Variants in XIRP2 observed in about 807,000 individuals in gnomAD.
XIRP2 encodes xin actin-binding repeat-containing protein 2.
In XIRP2, 236 loss-of-function variants were observed where a neutral mutation model predicts 277.0. The ratio of observed to expected loss-of-function variants is 0.85; its 90% CI spans 0.77 to 0.95. The LOEUF (loss-of-function observed/expected upper bound fraction) is 0.95, where lower values mean the gene tolerates loss of function less well. Among genes scored for constraint, XIRP2 ranks in the 40% least tolerant of loss-of-function variants. XIRP2 has a pLI of 0.00. For missense variants in XIRP2, 4,640 were observed against 4,157.5 expected, an observed-to-expected ratio of 1.12 and a Z score of -3.19; for synonymous variants, 1,490 against 1,416.5, an observed-to-expected ratio of 1.05 and a Z score of -1.17.
At chr2:167,057,396 G>A (rs1689064038) in intron 2 of XIRP2, among the ~76,000 whole-genome samples, 1 of 152,150 alleles carries the variant, frequency 6.6e-6, no homozygotes, top group Non-Finnish European at 1.5e-5. Flanking sequence ...GTATAAAAAA[G>A]TGGAACCAGG....
intron 2 of XIRP2, among the ~76,000 whole-genome samples, chr2:166,952,141 C>A (rs1686052580): frequency 6.6e-6 from 1 of 151,942 alleles, no homozygotes; most frequent in African/African-American, 2.4e-5. Flanking sequence ...CAACCCACCC[C>A]AAATTTTATG....
At chr2:166,934,430 C>G (rs1026629273) in intron 2 of XIRP2, among the ~76,000 whole-genome samples, 3 of 152,114 alleles carry the variant, frequency 2.0e-5, no homozygotes, top group African/African-American at 7.2e-5. Context: ...GCTCTTTTCC[C>G]TAGTGAGCCT....
intron 2 of XIRP2, among the ~76,000 whole-genome samples, chr2:166,918,003 T>C (rs909630444): frequency 6.6e-6 from 1 of 152,184 alleles, no homozygotes. Flanking sequence ...CCTTCCTACA[T>C]GAGCTTATCT....
chr2:167,008,197 G>C (rs777088588), intron 2 of XIRP2, among the ~76,000 whole-genome samples: 1 of 151,398 alleles, frequency 6.6e-6, no homozygotes, highest in African/African-American at 2.4e-5. Flanking sequence ...TTTATTTATA[G>C]ACCCAAGCTC....
At chr2:167,058,597 C>T (rs1349979863) in intron 2 of XIRP2, among the ~76,000 whole-genome samples, 6 of 152,178 alleles carry the variant, frequency 3.9e-5, no homozygotes, top group Admixed American at 3.9e-4. Flanking sequence ...GGTATCTCAC[C>T]ACTGGTGCCT....
chr2:167,004,596 A>C (rs1425865731), intron 2 of XIRP2, among the ~76,000 whole-genome samples: 1 of 151,852 alleles, frequency 6.6e-6, no homozygotes, highest in Non-Finnish European at 1.5e-5. Context: ...ACTGTGAGTT[A>C]ATCAAGTAAA....
chr2:167,156,324 A>G (rs16853095), intron 3 of XIRP2, among the ~76,000 whole-genome samples: 15,046 of 152,222 alleles, frequency 0.099, 798 homozygotes, highest in South Asian at 0.15. Context: ...AGTTAATGAT[A>G]GCAACCGCTT....
chr2:167,151,169 G>T (rs968297233), intron 3 of XIRP2, among the ~76,000 whole-genome samples: 1 of 152,014 alleles, frequency 6.6e-6, no homozygotes, highest in Non-Finnish European at 1.5e-5. Context: ...TCTGTATTGG[G>T]TCCCAGTTAC....
At chr2:167,105,105 T>C (rs1690582639) in intron 2 of XIRP2, among the ~76,000 whole-genome samples, 1 of 151,758 alleles carries the variant, frequency 6.6e-6, no homozygotes, top group East Asian at 1.9e-4. Flanking sequence ...AAACTCTTTA[T>C]TTTTAGATAA....
chr2:167,246,248 C>T lies in XIRP2; in HGVS notation c.4856C>T (p.Thr1619Ile). The change falls in exon 9 of 11, where the codon ACT becomes ATT. Residue 1619 changes from threonine to isoleucine, a missense_variant. Coordinates refer to ENST00000409195, the MANE Select transcript of XIRP2 (RefSeq NM_152381.6). ...MVNLLSKRDC[T>I]EREILISEEE... ...AACCTACTTTCCAAAAGGGACTGTA[C>T]TGAAAGAGAGATTTTGATTAGTGAA... is the stretch of plus-strand genomic sequence containing the variant. 2.5e-6 allele frequency: 4 copies of T among 1,613,350 alleles called. No individual in the cohort carries two copies. Among genetic ancestry groups the T allele is most frequent in the African/African-American group, 1.3e-5 (1 of 74,924 alleles).
chr2:167,110,728 T>A (rs892601166), intron 2 of XIRP2, among the ~76,000 whole-genome samples: 1 of 152,222 alleles, frequency 6.6e-6, no homozygotes, highest in Non-Finnish European at 1.5e-5. Flanking sequence ...GGCAGTTTGA[T>A]AGGAATATCA....
intron 2 of XIRP2, among the ~76,000 whole-genome samples, chr2:167,106,506 T>G (rs554590011): frequency 6.6e-6 from 1 of 151,896 alleles, no homozygotes; most frequent in Non-Finnish European, 1.5e-5. Context: ...TTCCGGGTTC[T>G]ATATACATAT....
At chr2:167,173,281 A>G (rs1026307236) in intron 3 of XIRP2, among the ~76,000 whole-genome samples, 1 of 151,084 alleles carries the variant, frequency 6.6e-6, no homozygotes, top group African/African-American at 2.5e-5. Context: ...ACAACACCAC[A>G]CTATGCTTCT....
intron 2 of XIRP2, among the ~76,000 whole-genome samples, chr2:167,018,894 C>CA (rs1432955607): frequency 2.0e-5 from 3 of 151,990 alleles, no homozygotes; most frequent in African/African-American, 7.2e-5. Context: ...TCACAGTGTA[C>CA]AAAAAATGTC....
chr2:167,157,140 T>C (rs1375665931), intron 3 of XIRP2, among the ~76,000 whole-genome samples: 1 of 150,786 alleles, frequency 6.6e-6, no homozygotes, highest in East Asian at 1.9e-4. Flanking sequence ...GAACAGGCAT[T>C]GTCAATAGAC....
intron 2 of XIRP2, among the ~76,000 whole-genome samples, chr2:166,981,107 G>A (rs1686856285): frequency 6.6e-6 from 1 of 152,040 alleles, no homozygotes; most frequent in African/African-American, 2.4e-5. Context: ...ATCTTGTAGT[G>A]TAGAACTATT....
At chr2:167,194,167 C>T (rs1349274266) in intron 3 of XIRP2, among the ~76,000 whole-genome samples, 2 of 151,572 alleles carry the variant, frequency 1.3e-5, no homozygotes, top group African/African-American at 2.4e-5. Flanking sequence ...CTGCAACCTC[C>T]GCCTCCTGGG....
At chr2:167,230,070 G>A (rs1694709148) in intron 5 of XIRP2, among the ~76,000 whole-genome samples, 1 of 152,072 alleles carries the variant, frequency 6.6e-6, no homozygotes, top group South Asian at 2.1e-4. Context: ...TACCAGATGG[G>A]GAGCCAAGAG....
chr2:167,184,444 A>T (rs1693099566), intron 3 of XIRP2: 1 of 648,120 alleles, frequency 1.5e-6, no homozygotes, highest in South Asian at 1.8e-5. Context: ...GAAACATCTT[A>T]GACAGAAAAT....
Sources: allele counts gnomAD v4.1 joint callset (sites outside exome capture counted in the v4.1 genomes callset), GRCh38; gene constraint gnomAD v4.1.1; transcripts MANE v1.5; gene names NCBI Gene and HGNC (gene_info 2026-07-23, HGNC 2026-07-21).